ADAMTSL1: variants seen among roughly 807,000 people sequenced by gnomAD.
The protein encoded by ADAMTSL1 is ADAMTS-like protein 1.
A neutral mutation model predicts 201.8 loss-of-function variants in ADAMTSL1; 126 were observed. The ratio of observed to expected loss-of-function variants is 0.62; its 90% CI spans 0.54 to 0.72. ADAMTSL1 has a LOEUF of 0.72. Ranked by LOEUF, ADAMTSL1 falls within the 30% of genes least tolerant of loss-of-function variation. The probability of loss-of-function intolerance (pLI) is 0.00; values close to 1 mark genes in which losing one functional copy is unlikely to be tolerated. For missense variants in ADAMTSL1, 2,679 were observed against 2,277.8 expected (o/e 1.18, Z -3.59); for synonymous variants, 1,121 against 903.4 (o/e 1.24, Z -4.32).
At chr9:18,449,935 G>A (rs1820341327) in intron 2 of ADAMTSL1, among the ~76,000 whole-genome samples, 1 of 152,182 alleles carries the variant, frequency 6.6e-6, no homozygotes, top group African/African-American at 2.4e-5. Context: ...AATGCAAAAT[G>A]GGAGAGTGCT....
intron 2 of ADAMTSL1, among the ~76,000 whole-genome samples, chr9:18,403,050 A>C (rs1354938082): frequency 6.6e-6 from 1 of 152,218 alleles, no homozygotes. Flanking sequence ...AGTAAATGGC[A>C]GAGCTGTGGT....
chr9:18,702,484 ACT>A (rs1349702799), intron 13 of ADAMTSL1, among the ~76,000 whole-genome samples: 2 of 152,178 alleles, frequency 1.3e-5, no homozygotes, highest in Admixed American at 6.5e-5. Flanking sequence ...TTTTATTGTC[ACT>A]GTTTTCTATT....
rs535721134 is a variant in ADAMTSL1 at position 18,070,137 on chromosome 9, A to G, written c.88-93725A>G. On this transcript the variant is annotated intron_variant, in intron 1 of 29. Transcript: ENST00000680146. The stretch of plus-strand genomic sequence containing the variant: ...AGTAAGTGTGGACTGAAAACAGACT[A>G]GGTAAGAGGACTGAATTCTAAGAAA... 3.3e-5 allele frequency among the ~76,000 whole-genome samples: 5 copies of G among 152,336 alleles called. No homozygotes were observed. In the South Asian group the frequency reaches 1.0e-3, roughly 32 times the overall value.
intron 2 of ADAMTSL1, among the ~76,000 whole-genome samples, chr9:18,392,569 C>T (rs969893775): frequency 1.3e-5 from 2 of 152,158 alleles, no homozygotes; most frequent in African/African-American, 4.8e-5. Flanking sequence ...TTTGAAACTT[C>T]TATCTTTGGC....
At chr9:18,309,647 C>G (rs57441773) in intron 2 of ADAMTSL1, among the ~76,000 whole-genome samples, 1 of 150,514 alleles carries the variant, frequency 6.6e-6, no homozygotes, top group African/African-American at 2.4e-5. Context: ...AAGGACCTCA[C>G]CAAGAACTAA....
At chr9:17,920,703 A>G (rs1826267661) in intron 1 of ADAMTSL1, among the ~76,000 whole-genome samples, 1 of 152,192 alleles carries the variant, frequency 6.6e-6, no homozygotes, top group African/African-American at 2.4e-5. Flanking sequence ...CTGGCACTCT[A>G]AAGCAAAGGT....
intron 15 of ADAMTSL1, among the ~76,000 whole-genome samples, chr9:18,746,460 G>A (rs1819150129): frequency 6.6e-6 from 1 of 152,086 alleles, no homozygotes; most frequent in Admixed American, 6.5e-5. Context: ...CAGAAGTGTT[G>A]GGCAGAAATG....
At position 18,763,451 on chromosome 9, in the gene ADAMTSL1, C is replaced by T. The variant is rs187254824; in HGVS notation, c.2218-7151C>T. On this transcript the variant is annotated intron_variant, in intron 16 of 28. Transcript: ENST00000380548. ...TATTTACTCCCATTCTGTGGGTTGT[C>T]GCTTCACTTTGTTGATTGTTTCCTG... Among the ~76,000 whole-genome samples the T allele has an allele frequency of 4.6e-5, 7 of 152,224 alleles. No individual in the cohort carries two copies. In the East Asian group the frequency reaches 9.6e-4, roughly 21 times the overall value.
intron 13 of ADAMTSL1, among the ~76,000 whole-genome samples, chr9:18,690,167 A>G (rs558487732): frequency 3.2e-4 from 49 of 152,336 alleles, no homozygotes; most frequent in African/African-American, 7.9e-4. Flanking sequence ...AGAAAAACCA[A>G]TAAGAGTCAC....
chr9:18,845,628 A>AT (rs1293662090), intron 23 of ADAMTSL1, among the ~76,000 whole-genome samples: 2 of 152,142 alleles, frequency 1.3e-5, no homozygotes, highest in African/African-American at 2.4e-5. Flanking sequence ...CAGCTTATGC[A>AT]TTTTTTTCTC....
intron 1 of ADAMTSL1, among the ~76,000 whole-genome samples, chr9:18,075,509 G>A (rs1244306581): frequency 1.3e-5 from 2 of 150,796 alleles, no homozygotes; most frequent in African/African-American, 4.9e-5. Context: ...GTAGTTTGAA[G>A]TCAGTTTCAA....
Position 18,785,185 on chromosome 9 carries a change from G to A in ADAMTSL1, c.3677+7279G>A, listed in dbSNP as rs1821632508. On this transcript the variant is annotated intron_variant, in intron 19 of 28. Coordinates refer to ENST00000380548, the MANE Select transcript of ADAMTSL1 (RefSeq NM_001040272.6). ...TCTAAAAAAAAAAAAACTTAATGGA[G>A]CTGGGATTTGAATCCAAGGCAGTCT... Among the ~76,000 whole-genome samples the A allele has an allele frequency of 2.6e-5, 4 of 151,848 alleles. No individual in the cohort carries two copies. The South Asian group carries it at 8.3e-4, about 32-fold the overall frequency.
intron 23 of ADAMTSL1, among the ~76,000 whole-genome samples, chr9:18,878,735 G>C (rs1193297418): frequency 6.6e-6 from 1 of 152,232 alleles, no homozygotes; most frequent in African/African-American, 2.4e-5. Context: ...TCTTGGAGCA[G>C]AAAATCACAA....
At chr9:18,760,909 C>T (rs1820037464) in intron 16 of ADAMTSL1, among the ~76,000 whole-genome samples, 1 of 152,240 alleles carries the variant, frequency 6.6e-6, no homozygotes, top group African/African-American at 2.4e-5. Flanking sequence ...GATTTAATTG[C>T]ACTCTTTGTT....
intron 2 of ADAMTSL1, among the ~76,000 whole-genome samples, chr9:18,239,550 C>A (rs571717182): frequency 6.6e-6 from 1 of 151,996 alleles, no homozygotes; most frequent in East Asian, 1.9e-4. Flanking sequence ...ACCAGCCTGG[C>A]CAACATAGTG....
intron 23 of ADAMTSL1, among the ~76,000 whole-genome samples, chr9:18,850,749 C>T (rs550242265): frequency 3.2e-4 from 48 of 150,398 alleles, no homozygotes; most frequent in African/African-American, 1.0e-3. Flanking sequence ...GTCAACCTAC[C>T]GTTTTATTAA....
chr9:18,266,130 C>G (rs1457836106), intron 2 of ADAMTSL1, among the ~76,000 whole-genome samples: 1 of 152,206 alleles, frequency 6.6e-6, no homozygotes, highest in African/African-American at 2.4e-5. Context: ...GTGCAATTTA[C>G]AAAGACAGCA....
intron 1 of ADAMTSL1, among the ~76,000 whole-genome samples, chr9:18,101,509 A>T (rs981115679): frequency 3.3e-5 from 5 of 152,030 alleles, no homozygotes; most frequent in African/African-American, 9.7e-5. Flanking sequence ...AAAAAAAAAA[A>T]AAGAAAAGCA....
Position 17,955,346 on chromosome 9 carries a change from T to C in ADAMTSL1, c.87+48424T>C, listed in dbSNP as rs572501461. ...AGGGAAAGGAGGGCTTTTGTTCTGA[T>C]GATTTTCTTGGTTTGCTGAGGCATA... On this transcript the variant is annotated intron_variant, in intron 1 of 29. Transcript: ENST00000680146. Among the ~76,000 whole-genome samples the C allele has an allele frequency of 6.6e-5, 10 of 152,298 alleles. No individual in the cohort carries two copies. In the East Asian group the frequency reaches 1.9e-3, roughly 29 times the overall value.
Sources: allele counts gnomAD v4.1 joint callset (sites outside exome capture counted in the v4.1 genomes callset), GRCh38; gene constraint gnomAD v4.1.1; transcripts MANE v1.5; gene names NCBI Gene and HGNC (gene_info 2026-07-23, HGNC 2026-07-21).